CAST: variants seen among roughly 807,000 people sequenced by gnomAD.
The protein encoded by CAST is calpastatin.
In CAST, 76 loss-of-function variants were observed where a neutral mutation model predicts 119.6. That is an observed-to-expected ratio of 0.64 (90% CI 0.53 to 0.77). CAST has a LOEUF of 0.77. Ranked by LOEUF, CAST falls within the 30% of genes least tolerant of loss-of-function variation. CAST has a pLI of 0.00. For synonymous variants in CAST, 319 were observed against 331.6 expected, an observed-to-expected ratio of 0.96 and a Z score of 0.41; for missense variants, 953 against 946.5, an observed-to-expected ratio of 1.01 and a Z score of -0.09.
the CAST span, among the ~76,000 whole-genome samples, chr5:96,283,443 G>A: frequency 6.6e-6 from 1 of 152,194 alleles, no homozygotes; most frequent in Non-Finnish European, 1.5e-5. Context: ...GGAGGTGCAG[G>A]AACTCAGATC....
intron 3 of CAST, chr5:96,696,414 T>C (rs1048559180): frequency 2.6e-5 from 4 of 152,232 alleles, no homozygotes; most frequent in Non-Finnish European, 4.4e-5. Flanking sequence ...AGATAGGGCT[T>C]GAACCCAGGT....
At chr5:96,723,288 C>A (rs1758642420) in intron 4 of CAST, among the ~76,000 whole-genome samples, 1 of 151,880 alleles carries the variant, frequency 6.6e-6, no homozygotes. Context: ...TGTTTTTGAT[C>A]CTAGATTTGA....
rs1279552786 is a variant in CAST at position 96,662,440 on chromosome 5, G to A, written c.18G>A (p.Gln6=). The A allele has an allele frequency of 3.5e-6, 5 of 1,442,084 alleles. No individual in the cohort carries two copies. Among genetic ancestry groups the A allele is most frequent in the Admixed American group, 2.6e-5 (1 of 38,604 alleles). The allele number at this position is 1,442,084 out of a possible 1,614,324, so 89.3% of individuals were successfully genotyped here. A position where few individuals can be genotyped will look rare whatever the true frequency, so the allele number is the denominator to read the frequency against. Residue 6 remains glutamine (Q), a synonymous_variant, in exon 1 of 32, where the codon CAG becomes CAA. Coordinates refer to ENST00000675179, the MANE Select transcript of CAST (RefSeq NM_001750.7). MSQPG[Q]KPAASPRPRR... ...GCCTCGCCATGTCCCAGCCCGGCCA[G>A]AAGCCCGCCGCCTCCCCGCGGCCCC...
At chr5:96,152,402 T>A in the CAST span, among the ~76,000 whole-genome samples, 1 of 152,204 alleles carries the variant, frequency 6.6e-6, no homozygotes, top group Non-Finnish European at 1.5e-5. Flanking sequence ...TTCTCTGGGT[T>A]TCCGGCTGGC....
chr5:96,034,774 C>T, the CAST span, among the ~76,000 whole-genome samples: 3 of 151,120 alleles, frequency 2.0e-5, no homozygotes, highest in Non-Finnish European at 4.4e-5. Flanking sequence ...AACACCCACT[C>T]CAACCACCCC....
intron 1 of CAST, among the ~76,000 whole-genome samples, chr5:96,573,265 T>C (rs1746603374): frequency 6.6e-6 from 1 of 151,980 alleles, no homozygotes; most frequent in Non-Finnish European, 1.5e-5. Flanking sequence ...TGAGTTACCT[T>C]GAAATGTAAT....
At chr5:96,480,734 G>A in the CAST span, among the ~76,000 whole-genome samples, 1 of 152,168 alleles carries the variant, frequency 6.6e-6, no homozygotes. Flanking sequence ...CCATAGAAAC[G>A]AAAAGAATAA....
At chr5:96,643,268 G>A (rs528500815) in intron 1 of CAST, among the ~76,000 whole-genome samples, 85 of 152,256 alleles carry the variant, frequency 5.6e-4, no homozygotes, top group African/African-American at 2.0e-3. Flanking sequence ...GTTCTTCAAA[G>A]TCTATCTGGA....
chr5:96,733,120 A>G (rs1388521050), intron 9 of CAST, among the ~76,000 whole-genome samples: 4 of 152,350 alleles, frequency 2.6e-5, no homozygotes, highest in African/African-American at 4.8e-5. Flanking sequence ...CAGGTCTCCT[A>G]TGGAGCAAAG....
chr5:96,148,076 G>A, the CAST span, among the ~76,000 whole-genome samples: 4 of 152,156 alleles, frequency 2.6e-5, no homozygotes, highest in Admixed American at 2.0e-4. Flanking sequence ...TTGACACTGT[G>A]AGAGGGACTA....
At chr5:96,506,421 A>C in the CAST span, among the ~76,000 whole-genome samples, 1 of 152,230 alleles carries the variant, frequency 6.6e-6, no homozygotes, top group African/African-American at 2.4e-5. Context: ...TTACTATAAG[A>C]GTATTAGCAA....
rs746828115 is a variant in CAST, at chr5:96,675,565, G to T, written c.102G>T (p.Ser34=). 3 of 1,612,944 alleles carry T rather than the reference G, an allele frequency of 1.9e-6. No individual in the cohort carries two copies. In the Admixed American group the frequency reaches 5.0e-5, roughly 27 times the overall value. Reference sequence around the variant, plus strand: ...ATGTCAGTGAAAAAACCAGTGAATCGCCTTCCAAACCAGGAGAAAAGAAAG... The same window carrying T: ...ATGTCAGTGAAAAAACCAGTGAATCTCCTTCCAAACCAGGAGAAAAGAAAG... The part of the protein sequence containing the change: ...HEHVSEKTSE[S]PSKPGEKKGS... The change falls in exon 2 of 32, where the codon TCG becomes TCT. Residue 34 remains serine, a synonymous_variant. Coordinates refer to ENST00000675179, the MANE Select transcript of CAST (RefSeq NM_001750.7).
the CAST span, among the ~76,000 whole-genome samples, chr5:96,478,413 T>A: frequency 5.3e-5 from 8 of 152,244 alleles, no homozygotes; most frequent in Non-Finnish European, 1.2e-4. Context: ...GACCAAACTA[T>A]AGGATTCAGA....
chr5:96,179,905 C>T, the CAST span, among the ~76,000 whole-genome samples: 8 of 152,010 alleles, frequency 5.3e-5, no homozygotes, highest in East Asian at 1.9e-4. Context: ...GGCGTGGTGG[C>T]GGGTGCCATA....
At chr5:96,432,903 G>A in the CAST span, 14 of 1,614,080 alleles carry the variant, frequency 8.7e-6, no homozygotes, top group Non-Finnish European at 1.0e-5. Context: ...GGCGATGGCC[G>A]AGGCTGCTTC....
the CAST span, among the ~76,000 whole-genome samples, chr5:96,217,238 G>A: frequency 8.7e-6 from 1 of 115,092 alleles, no homozygotes. Context: ...ATGAGGTCTT[G>A]CTTTGTTGCC....
At chr5:96,578,438 T>C (rs1746714852) in intron 1 of CAST, among the ~76,000 whole-genome samples, 1 of 151,930 alleles carries the variant, frequency 6.6e-6, no homozygotes, top group African/African-American at 2.4e-5. Flanking sequence ...ACAATGTACA[T>C]TTAGGGCACT....
intron 3 of CAST, among the ~76,000 whole-genome samples, chr5:96,698,860 T>C (rs887003775): frequency 2.6e-5 from 4 of 152,196 alleles, no homozygotes; most frequent in Admixed American, 2.6e-4. Context: ...TTACAATTAT[T>C]AAGAAAACTT....
chr5:96,113,764 GT>G, the CAST span, among the ~76,000 whole-genome samples: 1 of 152,166 alleles, frequency 6.6e-6, no homozygotes, highest in East Asian at 1.9e-4. Context: ...GAGAGCTCAG[GT>G]TTTTAAGTTC....
Sources: allele counts gnomAD v4.1 joint callset (sites outside exome capture counted in the v4.1 genomes callset), GRCh38; gene constraint gnomAD v4.1.1; transcripts MANE v1.5; gene names NCBI Gene and HGNC (gene_info 2026-07-23, HGNC 2026-07-21).